CSNK1A1: variants seen among roughly 807,000 people sequenced by gnomAD.
CSNK1A1 encodes the protein casein kinase I isoform alpha.
In CSNK1A1, 7 loss-of-function variants were observed where a neutral mutation model predicts 46.1. The ratio of observed to expected loss-of-function variants is 0.15; its 90% confidence interval spans 0.09 to 0.29. The LOEUF is 0.29. Ranked by LOEUF, CSNK1A1 falls within the 10% of genes least tolerant of loss-of-function variation. CSNK1A1 has a pLI of 1.00. For missense variants in CSNK1A1, 96 were observed against 417.1 expected (o/e 0.23, Z 6.71); for synonymous variants, 137 against 141.5 (o/e 0.97, Z 0.23).
intron 2 of CSNK1A1, among the ~76,000 whole-genome samples, chr5:149,544,518 T>A (rs1171937003): frequency 2.0e-5 from 3 of 151,372 alleles, no homozygotes; most frequent in African/African-American, 7.3e-5. Context: ...TTTAAAAAAA[T>A]TTTTAAATTG....
At chr5:149,530,015 A>G (rs890750639) in intron 2 of CSNK1A1, among the ~76,000 whole-genome samples, 13 of 152,192 alleles carry the variant, frequency 8.5e-5, no homozygotes, top group African/African-American at 3.1e-4. Context: ...TTCCAGAATA[A>G]ATCAGTGTAA....
intron 2 of CSNK1A1, among the ~76,000 whole-genome samples, chr5:149,546,802 A>C (rs1257525517): frequency 6.6e-6 from 1 of 152,182 alleles, no homozygotes; most frequent in South Asian, 2.1e-4. Context: ...CTAACACTAA[A>C]TAGTCAACTT....
chr5:149,507,670 C>T lies in CSNK1A1; in HGVS notation c.751-537G>A, dbSNP rs1295529936. ...GTAGAGACAGGGTTTTGTCAGATTG[C>T]CAAGGATGGTCTCAAATTCCCGAGC... On this transcript the variant is annotated intron_variant, in intron 7 of 9. Coordinates refer to ENST00000377843, the MANE Select transcript of CSNK1A1 (RefSeq NM_001892.6). Among the ~76,000 whole-genome samples, 3 of 151,960 alleles carry T rather than the reference C, an allele frequency of 2.0e-5. No individual in the cohort carries two copies. In the East Asian group the frequency reaches 5.8e-4, roughly 29 times the overall value.
chr5:149,546,416 C>T (rs1471244847), intron 2 of CSNK1A1, among the ~76,000 whole-genome samples: 1 of 151,836 alleles, frequency 6.6e-6, no homozygotes, highest in East Asian at 1.9e-4. Flanking sequence ...GAGCAGATCA[C>T]GAGGTCAAGA....
rs1445828195 is a variant in CSNK1A1 at position 149,551,244 on chromosome 5, C to A, written c.-280G>T. 1.3e-5 allele frequency: 4 copies of A among 301,430 alleles called. No individual in the cohort carries two copies. The Admixed American group carries it at 1.5e-4, about 11-fold the overall frequency. The allele number at this position is 301,430 out of a possible 1,614,324, so 18.7% of individuals were successfully genotyped here. ...TCGGCGGCCGCCGCTGCCTCGCTTG[C>A]GCGGCGACGTCGCGGGCTGGAAAAG... On this transcript the variant is annotated 5_prime_UTR_variant, in exon 1 of 10. Coordinates refer to ENST00000377843, the MANE Select transcript of CSNK1A1 (RefSeq NM_001892.6).
At position 149,493,010 on chromosome 5, in the gene CSNK1A1, T is replaced by C. The variant is rs1334985434; in HGVS notation, c.*3843A>G. 1 of 152,246 alleles carries C rather than the reference T, an allele frequency of 6.6e-6. No homozygotes were observed. Among genetic ancestry groups the C allele is most frequent in the Non-Finnish European group, 1.5e-5 (1 of 68,050 alleles). The allele number at this position is 152,246 out of a possible 1,614,324, so 9.4% of individuals were successfully genotyped here. On this transcript the variant is annotated 3_prime_UTR_variant, in exon 10 of 10. Coordinates refer to ENST00000377843, the MANE Select transcript of CSNK1A1 (RefSeq NM_001892.6). Reference sequence around the variant, plus strand: ...CGTTGCTACCAGTTTATTTTGATAATTGACACAGATTTAGCAAGTATAATC... The same window carrying C: ...CGTTGCTACCAGTTTATTTTGATAACTGACACAGATTTAGCAAGTATAATC...
At chr5:149,537,271 G>A (rs1438400228) in intron 2 of CSNK1A1, among the ~76,000 whole-genome samples, 1 of 152,076 alleles carries the variant, frequency 6.6e-6, no homozygotes, top group Admixed American at 6.6e-5. Flanking sequence ...AGCTACTCAG[G>A]GAGCTGAGGC....
Position 149,497,530 on chromosome 5 carries a change from C to T in CSNK1A1, c.1007-670G>A, listed in dbSNP as rs376476319. ...TTCCCTCCTCCACCACAAGTAGACC[C>T]TAGGGCCTCTACATAGGCCCTAGGC... On this transcript the variant is annotated intron_variant, in intron 9 of 9. Transcript: ENST00000377843. The T allele has an allele frequency of 1.5e-4, 144 of 985,554 alleles. No homozygotes were observed. The African/African-American group carries it at 2.3e-3, about 16-fold the overall frequency. The allele number at this position is 985,554 out of a possible 1,614,324, so 61.1% of individuals were successfully genotyped here. A position where few individuals can be genotyped will look rare whatever the true frequency, so the allele number is the denominator to read the frequency against.
chr5:149,497,408 G>A (rs1760688167), intron 9 of CSNK1A1: 10 of 985,726 alleles, frequency 1.0e-5, no homozygotes, highest in Middle Eastern at 5.2e-4. Flanking sequence ...TTTACCGGCC[G>A]CATTAGAAAG....
intron 4 of CSNK1A1, among the ~76,000 whole-genome samples, chr5:149,516,496 G>T (rs906945635): frequency 1.5e-4 from 22 of 151,158 alleles, no homozygotes; most frequent in Non-Finnish European, 3.2e-4. Context: ...CTAACCAGGG[G>T]TCATAATTTC....
chr5:149,504,941 C>T, intron 9 of CSNK1A1: 1 of 985,556 alleles, frequency 1.0e-6, no homozygotes, highest in South Asian at 4.7e-5. Flanking sequence ...GCCAAACTCA[C>T]CTCTTGAAAT....
chr5:149,497,865 GCT>G, intron 9 of CSNK1A1: 8 of 971,130 alleles, frequency 8.2e-6, no homozygotes, highest in East Asian at 1.1e-4. Context: ...AGACAGTCTC[GCT>G]CTGTCACCCA....
intron 2 of CSNK1A1, among the ~76,000 whole-genome samples, chr5:149,526,825 G>A (rs1761738182): frequency 6.6e-6 from 1 of 152,120 alleles, no homozygotes; most frequent in Non-Finnish European, 1.5e-5. Context: ...GATCTATTCA[G>A]ATAGGTCTCA....
At chr5:149,534,907 A>C (rs1222670475) in intron 2 of CSNK1A1, among the ~76,000 whole-genome samples, 8 of 94,648 alleles carry the variant, frequency 8.5e-5, no homozygotes, top group South Asian at 2.9e-4. Flanking sequence ...CTTGTCTCCC[A>C]AAAAAAAAAA....
intron 3 of CSNK1A1, among the ~76,000 whole-genome samples, chr5:149,522,006 G>A (rs1204385819): frequency 1.3e-5 from 2 of 152,022 alleles, no homozygotes; most frequent in East Asian, 1.9e-4. Flanking sequence ...AGGAGTTCTC[G>A]TCATAAAACA....
At chr5:149,540,451 A>G (rs556158320) in intron 2 of CSNK1A1, among the ~76,000 whole-genome samples, 2 of 152,288 alleles carry the variant, frequency 1.3e-5, no homozygotes, top group South Asian at 2.1e-4. Context: ...AAAGATCTCA[A>G]TTATCACTGA....
chr5:149,504,166 C>G (rs1012270830), intron 9 of CSNK1A1: 1 of 985,308 alleles, frequency 1.0e-6, no homozygotes, highest in African/African-American at 1.7e-5. Flanking sequence ...GGTTTGCTAT[C>G]CTGAGTTTAC....
At chr5:149,504,984 C>T (rs759144043) in intron 9 of CSNK1A1, 87 of 985,554 alleles carry the variant, frequency 8.8e-5, no homozygotes, top group Admixed American at 1.8e-4. Context: ...ATTTTAAATG[C>T]TAAAGCATTA....
Position 149,494,794 on chromosome 5 carries a change from A to C in CSNK1A1, c.*2059T>G, listed in dbSNP as rs1760608418. ...AGCTAACAGCAGTTTTAAATCTGCA[A>C]CTTAATTACAGACCAACTACACCAC... is the stretch of plus-strand genomic sequence containing the variant. On this transcript the variant is annotated 3_prime_UTR_variant, in exon 10 of 10. Transcript: ENST00000377843. 6.6e-6 allele frequency: 1 copy of C among 152,216 alleles called. No individual in the cohort carries two copies. The highest frequency in any genetic ancestry group is 1.5e-5 in the Non-Finnish European group (1 of 68,034). The allele number at this position is 152,216 out of a possible 1,614,324, so 9.4% of individuals were successfully genotyped here.
Sources: allele counts gnomAD v4.1 joint callset (sites outside exome capture counted in the v4.1 genomes callset), GRCh38; gene constraint gnomAD v4.1.1; transcripts MANE v1.5; gene names NCBI Gene and HGNC (gene_info 2026-07-23, HGNC 2026-07-21).